GOLM2: variants seen among roughly 807,000 people sequenced by gnomAD.
The protein encoded by GOLM2 is golgi membrane protein 2, also known as protein GOLM2.
A neutral mutation model predicts 55.9 loss-of-function variants in GOLM2; 26 were observed. That is an observed-to-expected ratio of 0.47 (90% CI 0.34 to 0.65). The LOEUF (loss-of-function observed/expected upper bound fraction) is 0.65, where lower values mean the gene tolerates loss of function less well. Ranked by LOEUF, GOLM2 falls within the 30% of genes least tolerant of loss-of-function variation. GOLM2 has a pLI of 0.01. For missense variants in GOLM2, 486 were observed against 531.8 expected (o/e 0.91, Z 0.85); for synonymous variants, 165 against 194.6 (o/e 0.85, Z 1.27).
intron 1 of GOLM2, among the ~76,000 whole-genome samples, chr15:44,322,642 T>G (rs993500638): frequency 9.9e-5 from 15 of 152,184 alleles, no homozygotes; most frequent in African/African-American, 3.6e-4. Context: ...AAGTTCTTAG[T>G]ATTCTTATGT....
At chr15:44,342,381 C>T (rs1167353544) in intron 6 of GOLM2, among the ~76,000 whole-genome samples, 5 of 152,044 alleles carry the variant, frequency 3.3e-5, no homozygotes, top group East Asian at 3.9e-4. Flanking sequence ...ACTCCCACAT[C>T]GGCTCCCGAG....
At chr15:44,379,823 C>A in intron 7 of GOLM2, 35 bp downstream of exon 7, 2 of 1,211,262 alleles carry the variant, frequency 1.7e-6, no homozygotes, top group Non-Finnish European at 2.5e-6. Flanking sequence ...CCATTTGAAA[C>A]CAACTTACTA....
At chr15:44,310,884 G>A (rs1712841872) in intron 1 of GOLM2, among the ~76,000 whole-genome samples, 3 of 152,028 alleles carry the variant, frequency 2.0e-5, no homozygotes, top group Admixed American at 1.3e-4. Context: ...GGGCATGGTG[G>A]CACACACCTG....
intron 9 of GOLM2, among the ~76,000 whole-genome samples, chr15:44,411,548 C>G (rs1456987791): frequency 6.6e-6 from 1 of 152,024 alleles, no homozygotes; most frequent in Non-Finnish European, 1.5e-5. Context: ...TCATAAAAAT[C>G]CATGTACTCT....
rs1175770997 is a variant in GOLM2 at position 44,415,537 on chromosome 15, CTG to C, written c.*2133_*2134del. 1.3e-5 allele frequency: 2 copies of C among 152,542 alleles called. No homozygotes were observed. The highest frequency in any genetic ancestry group is 2.9e-5 in the Non-Finnish European group (2 of 68,024). 9.4% of individuals were successfully genotyped at this position (152,542 alleles called of 1,614,324 possible). A position where few individuals can be genotyped will look rare whatever the true frequency, so the allele number is the denominator to read the frequency against. On this transcript the variant is annotated 3_prime_UTR_variant, in exon 10 of 10. Coordinates refer to ENST00000299957, the MANE Select transcript of GOLM2 (RefSeq NM_138423.4). ...TTGGACCAATTGATAATATTTCTGA[CTG>C]TATTAATATTTTAGTGCTATAAAAT...
rs867073708 is a variant in GOLM2 at position 44,292,199 on chromosome 15, A to T, written c.327+2843A>T. Among the ~76,000 whole-genome samples the T allele has an allele frequency of 4.5e-3, 619 of 137,384 alleles. 4 individuals are homozygous for T. Among genetic ancestry groups the T allele is most frequent in the African/African-American group, 0.019 (582 of 31,292 alleles). 90.1% of individuals were successfully genotyped at this position (137,384 alleles called of 152,430 possible). A position where few individuals can be genotyped will look rare whatever the true frequency, so the allele number is the denominator to read the frequency against. Reference sequence around the variant, plus strand: ...TGTATACATACATATATATATATATATATTTTTTTTTTTTTTTAGACAGAG... The same window carrying T: ...TGTATACATACATATATATATATATTTATTTTTTTTTTTTTTTAGACAGAG... On this transcript the variant is annotated intron_variant, in intron 1 of 9. Coordinates refer to ENST00000299957, the MANE Select transcript of GOLM2 (RefSeq NM_138423.4).
chr15:44,395,099 T>C (rs1717765364), intron 8 of GOLM2, among the ~76,000 whole-genome samples: 1 of 151,292 alleles, frequency 6.6e-6, no homozygotes, highest in African/African-American at 2.4e-5. Context: ...AACCTCCACC[T>C]CCCAGGTTCA....
intron 8 of GOLM2, among the ~76,000 whole-genome samples, chr15:44,398,125 A>C (rs1293003253): frequency 1.3e-5 from 2 of 152,216 alleles, no homozygotes; most frequent in Non-Finnish European, 2.9e-5. Flanking sequence ...TGCCTCCTAC[A>C]TAATGTTCAA....
At chr15:44,316,939 T>C (rs2141125519) in intron 1 of GOLM2, among the ~76,000 whole-genome samples, 1 of 151,288 alleles carries the variant, frequency 6.6e-6, no homozygotes, top group Admixed American at 6.6e-5. Context: ...TGAACTGAGA[T>C]TGTGCTACTA....
chr15:44,318,446 C>G (rs746495760), intron 1 of GOLM2, among the ~76,000 whole-genome samples: 6 of 152,216 alleles, frequency 3.9e-5, no homozygotes, highest in African/African-American at 7.2e-5. Flanking sequence ...GCGTGGCTTA[C>G]GCCCATAATC....
At chr15:44,375,464 G>C (rs1219841363) in intron 6 of GOLM2, among the ~76,000 whole-genome samples, 2 of 152,138 alleles carry the variant, frequency 1.3e-5, no homozygotes, top group Non-Finnish European at 2.9e-5. Context: ...TAATTTGTTT[G>C]ACTTAGTACT....
At chr15:44,345,808 G>A (rs2079120406) in intron 6 of GOLM2, 2 of 151,646 alleles carry the variant, frequency 1.3e-5, no homozygotes, top group Non-Finnish European at 2.9e-5. Context: ...TTAATAACTT[G>A]GAAAGAAAAA....
chr15:44,319,728 T>C (rs570994496), intron 1 of GOLM2, among the ~76,000 whole-genome samples: 1 of 152,214 alleles, frequency 6.6e-6, no homozygotes, highest in African/African-American at 2.4e-5. Context: ...TCCGGGCCTA[T>C]AGGCATGCAC....
chr15:44,319,541 C>T (rs2078934907), intron 1 of GOLM2, among the ~76,000 whole-genome samples: 1 of 151,560 alleles, frequency 6.6e-6, no homozygotes. Flanking sequence ...TGTATGATAC[C>T]CCATAGTAAT....
intron 8 of GOLM2, among the ~76,000 whole-genome samples, chr15:44,383,921 C>T (rs949682166): frequency 1.3e-5 from 2 of 152,030 alleles, no homozygotes; most frequent in Non-Finnish European, 2.9e-5. Context: ...TCATGTGATC[C>T]TCCCATCTCA....
At chr15:44,407,393 G>C (rs2079604743) in intron 9 of GOLM2, among the ~76,000 whole-genome samples, 1 of 151,294 alleles carries the variant, frequency 6.6e-6, no homozygotes. Context: ...AGCCTCCTGA[G>C]TATCTGGGAC....
At chr15:44,358,878 CG>C (rs2079215481) in intron 6 of GOLM2, among the ~76,000 whole-genome samples, 1 of 152,100 alleles carries the variant, frequency 6.6e-6, no homozygotes, top group Admixed American at 6.5e-5. Flanking sequence ...AACTTCTGGC[CG>C]GGCACGGTGG....
At chr15:44,294,652 T>A (rs1245257088) in intron 1 of GOLM2, among the ~76,000 whole-genome samples, 1 of 144,924 alleles carries the variant, frequency 6.9e-6, no homozygotes, top group Non-Finnish European at 1.5e-5. Context: ...AGGCAGAGGT[T>A]GCAGTGAGCT....
chr15:44,386,265 C>G (rs190193671), intron 8 of GOLM2, among the ~76,000 whole-genome samples: 4 of 152,230 alleles, frequency 2.6e-5, no homozygotes, highest in Admixed American at 2.6e-4. Context: ...TACCAGTTGT[C>G]CCAGCAACAT....
Sources: gnomAD v4.1 joint callset for allele counts (sites outside exome capture counted in the v4.1 genomes callset) on GRCh38, gnomAD v4.1.1 for gene constraint, MANE v1.5 for transcripts, NCBI Gene and HGNC (gene_info 2026-07-23, HGNC 2026-07-21) for gene names.